The following PLPPR1 variants were observed in gnomAD, a reference collection of about 807,000 sequenced individuals.
PLPPR1 encodes the protein phospholipid phosphatase-related protein type 1.
PLPPR1 carries 10 observed loss-of-function variants against 33.1 expected under a neutral mutation model. The ratio of observed to expected loss-of-function variants is 0.30; its 90% CI spans 0.19 to 0.51. The LOEUF (loss-of-function observed/expected upper bound fraction) is 0.51. Among genes scored for constraint, PLPPR1 ranks in the 20% least tolerant of loss-of-function variants. The probability of loss-of-function intolerance (pLI) is 0.97; values close to 1 mark genes in which losing one functional copy is unlikely to be tolerated. For missense variants in PLPPR1, 304 were observed against 408.1 expected (o/e 0.74, Z 2.20); for synonymous variants, 151 against 151.0 (o/e 1.00, Z 0.00).
At chr9:101,272,700 T>C (rs563624961) in intron 3 of PLPPR1, among the ~76,000 whole-genome samples, 3 of 152,174 alleles carry the variant, frequency 2.0e-5, no homozygotes, top group Non-Finnish European at 4.4e-5. Context: ...TCTAAATTCA[T>C]CACTAACCAA....
At chr9:101,096,932 G>C (rs1044963743) in intron 1 of PLPPR1, among the ~76,000 whole-genome samples, 3 of 151,908 alleles carry the variant, frequency 2.0e-5, no homozygotes, top group Admixed American at 6.6e-5. Context: ...CAGATGTGGT[G>C]GCCCACACCT....
chr9:101,179,188 C>A (rs560203952), intron 1 of PLPPR1, among the ~76,000 whole-genome samples: 40 of 152,214 alleles, frequency 2.6e-4, no homozygotes, highest in African/African-American at 9.6e-4. Flanking sequence ...ATTACCATGC[C>A]TTGTGATTAA....
chr9:101,148,988 T>C (rs780394335), intron 1 of PLPPR1, among the ~76,000 whole-genome samples: 19 of 152,210 alleles, frequency 1.2e-4, no homozygotes, highest in Non-Finnish European at 2.9e-5. Flanking sequence ...GCTGAAGTGA[T>C]GATCTCCCAC....
chr9:101,078,054 A>C (rs1022933337), intron 1 of PLPPR1, among the ~76,000 whole-genome samples: 1 of 143,562 alleles, frequency 7.0e-6, no homozygotes, highest in African/African-American at 2.6e-5. Flanking sequence ...AAATGGCTTT[A>C]CCTGGAAGAA....
At chr9:101,126,478 C>T (rs957974160) in intron 1 of PLPPR1, among the ~76,000 whole-genome samples, 18 of 152,286 alleles carry the variant, frequency 1.2e-4, no homozygotes, top group African/African-American at 2.6e-4. Flanking sequence ...CTGCCTGCCA[C>T]GGCGGGAGAC....
chr9:101,228,687 G>T (rs921821819), intron 2 of PLPPR1, among the ~76,000 whole-genome samples: 5 of 152,120 alleles, frequency 3.3e-5, no homozygotes, highest in Non-Finnish European at 7.4e-5. Flanking sequence ...TTAGGGAAAT[G>T]AGATTATTTA....
At chr9:101,108,960 AT>A (rs5899429) in intron 1 of PLPPR1, among the ~76,000 whole-genome samples, 115 of 136,752 alleles carry the variant, frequency 8.4e-4, no homozygotes, top group Non-Finnish European at 1.2e-3. Context: ...GTCTTCAATA[AT>A]TTTTTTTTTT....
intron 1 of PLPPR1, among the ~76,000 whole-genome samples, chr9:101,097,180 C>A (rs12377105): frequency 0.42 from 64,416 of 151,768 alleles, 13,886 homozygotes; most frequent in Non-Finnish European, 0.47. Context: ...TGGGACCTCA[C>A]CCCAGAGTTT....
intron 2 of PLPPR1, among the ~76,000 whole-genome samples, chr9:101,244,396 G>A (rs1177247158): frequency 1.3e-5 from 2 of 151,858 alleles, no homozygotes; most frequent in Non-Finnish European, 2.9e-5. Context: ...TAATTAATAG[G>A]GTTACAAGAA....
chr9:101,252,612 T>C (rs1391842640), intron 2 of PLPPR1, among the ~76,000 whole-genome samples: 1 of 152,180 alleles, frequency 6.6e-6, no homozygotes, highest in East Asian at 1.9e-4. Context: ...TTACCTGTTT[T>C]AATTAGAAAA....
At chr9:101,216,393 CTT>C (rs1826795639) in intron 2 of PLPPR1, among the ~76,000 whole-genome samples, 1 of 151,976 alleles carries the variant, frequency 6.6e-6, no homozygotes, top group Admixed American at 6.6e-5. Context: ...TTGTTTTCCT[CTT>C]GAGTTGTTTG....
intron 2 of PLPPR1, among the ~76,000 whole-genome samples, chr9:101,219,094 C>A (rs1826867981): frequency 6.6e-6 from 1 of 152,172 alleles, no homozygotes; most frequent in Non-Finnish European, 1.5e-5. Flanking sequence ...CCGGCTTCTC[C>A]CCTACTGTGA....
At chr9:101,119,160 T>C (rs1406476263) in intron 1 of PLPPR1, among the ~76,000 whole-genome samples, 1 of 152,230 alleles carries the variant, frequency 6.6e-6, no homozygotes, top group East Asian at 1.9e-4. Flanking sequence ...TACCATGTTC[T>C]TGTCCACAGA....
intron 3 of PLPPR1, among the ~76,000 whole-genome samples, chr9:101,279,994 A>C (rs1195226411): frequency 6.6e-6 from 1 of 152,178 alleles, no homozygotes; most frequent in Non-Finnish European, 1.5e-5. Flanking sequence ...ACAATACAAA[A>C]GATCGATTAA....
At chr9:101,071,741 A>G (rs907436280) in intron 1 of PLPPR1, among the ~76,000 whole-genome samples, 1 of 152,156 alleles carries the variant, frequency 6.6e-6, no homozygotes, top group Admixed American at 6.5e-5. Context: ...TTAGAAACAG[A>G]ACAAAGGAAA....
intron 1 of PLPPR1, among the ~76,000 whole-genome samples, chr9:101,119,640 C>T (rs757226717): frequency 7.2e-5 from 11 of 152,242 alleles, no homozygotes; most frequent in African/African-American, 2.2e-4. Flanking sequence ...AAACTAGAAA[C>T]TCAGCATGTG....
intron 1 of PLPPR1, among the ~76,000 whole-genome samples, chr9:101,109,555 A>C (rs1831024909): frequency 6.6e-6 from 1 of 152,210 alleles, no homozygotes; most frequent in South Asian, 2.1e-4. Flanking sequence ...AAGTATTCAA[A>C]ATGTACTCAC....
intron 1 of PLPPR1, among the ~76,000 whole-genome samples, chr9:101,058,678 A>G (rs192788016): frequency 2.6e-5 from 4 of 152,258 alleles, no homozygotes; most frequent in African/African-American, 2.4e-5. Context: ...CTAATTTTCT[A>G]TGCCATCTCT....
chr9:101,078,184 A>G lies in PLPPR1; in HGVS notation c.-46+49082A>G, dbSNP rs1443014386. Among the ~76,000 whole-genome samples the G allele has an allele frequency of 3.6e-3, 33 of 9,232 alleles. 6 individuals carry two copies. The highest frequency in any genetic ancestry group is 0.012 in the East Asian group (1 of 82). The allele number at this position is 9,232 out of a possible 152,430, so 6.1% of individuals were successfully genotyped here. ...AAGAAGAAGAAGAAGAAGAAGAAGA[A>G]GAGGAGGGGGGGAGGGGGAGGGGGA... On this transcript the variant is annotated intron_variant, in intron 1 of 7. Transcript: ENST00000374874.
Sources: gnomAD v4.1 joint callset for allele counts (sites outside exome capture counted in the v4.1 genomes callset) on GRCh38, gnomAD v4.1.1 for gene constraint, MANE v1.5 for transcripts, NCBI Gene and HGNC (gene_info 2026-07-23, HGNC 2026-07-21) for gene names.